The following CBFA2T3 variants were observed in gnomAD, a reference collection of about 807,000 sequenced individuals.
CBFA2T3 encodes transcriptional corepressor CBFA2T3.
A neutral mutation model predicts 58.6 loss-of-function variants in CBFA2T3; 31 were observed. That is an observed-to-expected ratio of 0.53 (90% CI 0.40 to 0.71). The LOEUF is 0.71. Among genes scored for constraint, CBFA2T3 ranks in the 30% least tolerant of loss-of-function variants. The pLI is 0.00. For synonymous variants in CBFA2T3, 531 were observed against 421.9 expected (o/e 1.26, Z -3.17); for missense variants, 1,076 against 963.1 (o/e 1.12, Z -1.55).
intron 1 of CBFA2T3, among the ~76,000 whole-genome samples, chr16:88,930,070 C>T (rs1971237346): frequency 1.4e-5 from 2 of 145,944 alleles, no homozygotes; most frequent in African/African-American, 5.5e-5. Context: ...CACGCAAAAG[C>T]TACCAATACC....
chr16:88,926,947 C>G (rs569661333), intron 1 of CBFA2T3, among the ~76,000 whole-genome samples: 1 of 152,196 alleles, frequency 6.6e-6, no homozygotes, highest in African/African-American at 2.4e-5. Context: ...TGAGACAAGG[C>G]TCCTCACTGG....
Position 88,875,510 on chromosome 16 carries a change from GT to G in CBFA2T3, c.*1465del. On this transcript the variant is annotated 3_prime_UTR_variant, in exon 12 of 12. Transcript: ENST00000268679. ...AGGCAGAGGGCTGCTTTTGTTTGTA[GT>G]TTTTTTGTTTTTTCTGCAAAAGTTT... 1 of 233,850 alleles carries G rather than the reference GT, an allele frequency of 4.3e-6. No individual in the cohort carries two copies. The highest frequency in any genetic ancestry group is 8.4e-6 in the Non-Finnish European group (1 of 118,364). 14.5% of individuals were successfully genotyped at this position (233,850 alleles called of 1,614,324 possible).
chr16:88,976,833 C>A lies in CBFA2T3; in HGVS notation c.-26G>T. The A allele has an allele frequency of 6.5e-7, 1 of 1,540,502 alleles. No homozygotes were observed. Among genetic ancestry groups the A allele is most frequent in the Non-Finnish European group, 8.8e-7 (1 of 1,138,410 alleles). The stretch of plus-strand genomic sequence containing the variant: ...GAGGAGGGCCACCCTCAGGGGCCAA[C>A]CTGGAGCCCAGGACAGGCCTCTACC... On this transcript the variant is annotated 5_prime_UTR_variant, in exon 1 of 12. Transcript: ENST00000268679.
intron 1 of CBFA2T3, among the ~76,000 whole-genome samples, chr16:88,927,390 C>A (rs959721104): frequency 6.6e-6 from 1 of 152,208 alleles, no homozygotes; most frequent in Non-Finnish European, 1.5e-5. Context: ...AGATCCTCCT[C>A]GAGCCAGATC....
chr16:88,902,529 G>C (rs1269927203), intron 1 of CBFA2T3: 1 of 152,274 alleles, frequency 6.6e-6, no homozygotes, highest in East Asian at 1.9e-4. Context: ...CGGGACTGGG[G>C]GGCACGGAGC....
chr16:88,899,573 T>C (rs971087923), intron 2 of CBFA2T3, among the ~76,000 whole-genome samples: 1 of 151,956 alleles, frequency 6.6e-6, no homozygotes, highest in African/African-American at 2.4e-5. Flanking sequence ...TCACATCCGT[T>C]CACAGGTCTC....
rs1597680772 is a variant in CBFA2T3 at position 88,892,463 on chromosome 16, T to C, written c.402A>G (p.Ser134=). 1 of 1,612,920 alleles carries C rather than the reference T, an allele frequency of 6.2e-7. No individual in the cohort carries two copies. Reference sequence around the variant, plus strand: ...ACGGTGCACCATTGATGGCTGTTGGTGAGTGGCTGCTGCCGTTCATCACTG... The same window carrying C: ...ACGGTGCACCATTGATGGCTGTTGGCGAGTGGCTGCTGCCGTTCATCACTG... The part of the protein sequence containing the change: ...VCLLMNGSSH[S]PTAINGAPCT... Residue 134 remains serine, a synonymous_variant, in exon 4 of 12, where the codon TCA becomes TCG. Transcript: ENST00000268679.
At chr16:88,904,219 G>A (rs1026301925) in intron 1 of CBFA2T3, among the ~76,000 whole-genome samples, 1 of 152,322 alleles carries the variant, frequency 6.6e-6, no homozygotes, top group African/African-American at 2.4e-5. Flanking sequence ...CCTTTGGGCA[G>A]AACAGGAGGC....
chr16:88,933,102 C>G lies in CBFA2T3; in HGVS notation c.152-31446G>C, dbSNP rs538124564. ...GAAGTCCGCACGCCCAGAGACAGGC[C>G]AGGCCCTCAGTGTGCAAGTCACCAG... is the stretch of plus-strand genomic sequence containing the variant. On this transcript the variant is annotated intron_variant, in intron 1 of 11. Transcript: ENST00000268679. Among the ~76,000 whole-genome samples the G allele has an allele frequency of 2.2e-4, 34 of 152,364 alleles. No individual in the cohort carries two copies. In the South Asian group the frequency reaches 6.6e-3, roughly 30 times the overall value.
In CBFA2T3 at chr16:88,901,508, G is replaced by T. The variant is rs549826959; in HGVS notation, c.300C>A (p.His100Gln). ...TGCCAGGTGGGGGCTACTTACGTGT[G>T]TGTGGCGTGAAGGAGGGGGGGCGTG... Reference protein sequence around the residue: ...GATRPPSFTPHTHREDGPATL... With the variant: ...GATRPPSFTPQTHREDGPATL... Residue 100 changes from histidine to glutamine, a missense_variant, in exon 2 of 12, where the codon CAC (histidine) becomes CAA (glutamine). Physicochemically the swap from His to Gln is conservative, Grantham distance 24 (BLOSUM62 0). Coordinates refer to ENST00000268679, the MANE Select transcript of CBFA2T3 (RefSeq NM_005187.6). The T allele has an allele frequency of 3.9e-5, 58 of 1,471,810 alleles. 1 individual carries two copies. In the Admixed American group the frequency reaches 1.6e-3, roughly 41 times the overall value. The allele number at this position is 1,471,810 out of a possible 1,614,324, so 91.2% of individuals were successfully genotyped here.
intron 1 of CBFA2T3, among the ~76,000 whole-genome samples, chr16:88,934,122 T>C (rs1014362750): frequency 6.6e-6 from 1 of 151,482 alleles, no homozygotes; most frequent in Non-Finnish European, 1.5e-5. Flanking sequence ...TTCCCTGGCA[T>C]GCCGAAGCTC....
Position 88,885,012 on chromosome 16 carries a change from C to A in CBFA2T3, c.1117+34G>T. On this transcript the variant is annotated intron_variant, in intron 7 of 11. Transcript: ENST00000268679. This position sits in a 1 kb window ranked among gnomAD's most constrained non-coding sequence, Gnocchi z 5.3. ...TGGGCGCATGTGTGCTCCTGTAACACGCGTCCACGCTCCCGCCCCACCGGG... is the reference window on the plus strand; with the variant it reads ...TGGGCGCATGTGTGCTCCTGTAACAAGCGTCCACGCTCCCGCCCCACCGGG... 6.7e-7 allele frequency: 1 copy of A among 1,502,802 alleles called. No individual in the cohort carries two copies. The highest frequency in any genetic ancestry group is 9.0e-7 in the Non-Finnish European group (1 of 1,107,904). The allele number at this position is 1,502,802 out of a possible 1,614,324, so 93.1% of individuals were successfully genotyped here.
chr16:88,877,262 C>A lies in CBFA2T3; in HGVS notation c.1676G>T (p.Cys559Phe). ...QEDSSESCWNCGRKASETCSG... is the reference protein window; with the variant it reads ...QEDSSESCWNFGRKASETCSG... Reference sequence around the variant, plus strand: ...GCACGTCTCACTGGCTTTCCGCCCGCAGTTCCAGCAGCTCTGGGTGGGGGC... The same window carrying A: ...GCACGTCTCACTGGCTTTCCGCCCGAAGTTCCAGCAGCTCTGGGTGGGGGC... The change falls in exon 12 of 12, where the codon TGC (cysteine) becomes TTC (phenylalanine). Residue 559 changes from cysteine (C) to phenylalanine (F), a missense_variant. Physicochemically the swap from Cys to Phe is radical, Grantham distance 205. Coordinates refer to ENST00000268679, the MANE Select transcript of CBFA2T3 (RefSeq NM_005187.6). 6.5e-7 allele frequency: 1 copy of A among 1,549,176 alleles called. No homozygotes were observed. Among genetic ancestry groups the A allele is most frequent in the Non-Finnish European group, 8.7e-7 (1 of 1,146,884 alleles).
At position 88,976,857 on chromosome 16, in the gene CBFA2T3, C is replaced by A. The variant is rs747501775; in HGVS notation, c.-50G>T. On this transcript the variant is annotated 5_prime_UTR_variant, in exon 1 of 12. Transcript: ENST00000268679. Reference sequence around the variant, plus strand: ...ACCTGGAGCCCAGGACAGGCCTCTACCAGGACTGCCTTTCCCGACCTCCTG... The same window carrying A: ...ACCTGGAGCCCAGGACAGGCCTCTAACAGGACTGCCTTTCCCGACCTCCTG... 3.0e-5 allele frequency: 45 copies of A among 1,513,534 alleles called. No individual in the cohort carries two copies. The South Asian group carries it at 5.4e-4, about 18-fold the overall frequency. 93.8% of individuals were successfully genotyped at this position (1,513,534 alleles called of 1,614,324 possible).
In CBFA2T3 at chr16:88,882,265, G is replaced by A. The variant is rs75566789; in HGVS notation, c.1203+411C>T. Among the ~76,000 whole-genome samples, 257 of 152,358 alleles carry A rather than the reference G, an allele frequency of 1.7e-3. 6 individuals are homozygous for A. The East Asian group carries it at 0.043, about 26-fold the overall frequency. On this transcript the variant is annotated intron_variant, in intron 8 of 11. Coordinates refer to ENST00000268679, the MANE Select transcript of CBFA2T3 (RefSeq NM_005187.6). Reference sequence around the variant, plus strand: ...CCAGGCCCCATGGGGCAGAGCCATGGCCGTGTTTATGCATAGGCATACAGG... The same window carrying A: ...CCAGGCCCCATGGGGCAGAGCCATGACCGTGTTTATGCATAGGCATACAGG...
intron 2 of CBFA2T3, among the ~76,000 whole-genome samples, chr16:88,900,067 C>T (rs1970040129): frequency 6.6e-6 from 1 of 152,250 alleles, no homozygotes; most frequent in South Asian, 2.1e-4. Flanking sequence ...CCGTGGCCAG[C>T]TCCGCAGAGC....
chr16:88,881,643 G>A, intron 8 of CBFA2T3, 154 bp from the exon 9 acceptor site: 2 of 715,542 alleles, frequency 2.8e-6, no homozygotes, highest in Admixed American at 3.0e-5. Context: ...CCACCTCCAT[G>A]GCTTGCAAAG....
intron 1 of CBFA2T3, among the ~76,000 whole-genome samples, chr16:88,928,439 A>G (rs866441456): frequency 2.0e-5 from 3 of 152,246 alleles, no homozygotes; most frequent in Admixed American, 6.5e-5. Flanking sequence ...GGCGAGACCC[A>G]TGATCAAGCC....
intron 1 of CBFA2T3, among the ~76,000 whole-genome samples, chr16:88,917,536 G>A (rs1362757005): frequency 6.6e-6 from 1 of 152,192 alleles, no homozygotes; most frequent in African/African-American, 2.4e-5. Flanking sequence ...AGGCGCCAGG[G>A]GAGGCTACAC....
Sources: gnomAD v4.1 joint callset for allele counts (sites outside exome capture counted in the v4.1 genomes callset) on GRCh38, gnomAD v4.1.1 for gene constraint, Gnocchi (gnomAD v3.1) non-coding constraint, MANE v1.5 for transcripts, NCBI Gene and HGNC (gene_info 2026-07-23, HGNC 2026-07-21) for gene names.